RAB3B: variants seen among roughly 807,000 people sequenced by gnomAD.
RAB3B encodes RAB3B, member RAS oncogene family.
RAB3B carries 11 observed loss-of-function variants against 20.5 expected under a neutral mutation model. The observed-to-expected ratio is 0.54, with a 90% CI of 0.34 to 0.89. RAB3B has a LOEUF of 0.89. Ranked by LOEUF, RAB3B falls within the 40% of genes least tolerant of loss-of-function variation. RAB3B has a pLI of 0.02. For synonymous variants in RAB3B, 99 were observed against 106.3 expected, an observed-to-expected ratio of 0.93 and a Z score of 0.42; for missense variants, 225 against 280.9, an observed-to-expected ratio of 0.80 and a Z score of 1.42.
At chr1:51,988,310 A>T (rs146797758) in intron 1 of RAB3B, among the ~76,000 whole-genome samples, 2 of 152,282 alleles carry the variant, frequency 1.3e-5, no homozygotes, top group East Asian at 3.9e-4. Context: ...CTGCTGACCC[A>T]TCACCACCTT....
chr1:51,970,114 C>CA (rs896305804), intron 2 of RAB3B, among the ~76,000 whole-genome samples: 3 of 149,274 alleles, frequency 2.0e-5, no homozygotes, highest in Non-Finnish European at 3.0e-5. Flanking sequence ...AACAAACAAA[C>CA]AAAAAAACAA....
chr1:51,963,445 T>C (rs1684808986), intron 2 of RAB3B, among the ~76,000 whole-genome samples: 1 of 152,084 alleles, frequency 6.6e-6, no homozygotes, highest in Non-Finnish European at 1.5e-5. Context: ...TAAAGTCAAC[T>C]CTTTGCCTAT....
intron 2 of RAB3B, among the ~76,000 whole-genome samples, chr1:51,961,856 C>T (rs559424806): frequency 2.0e-5 from 3 of 152,164 alleles, no homozygotes; most frequent in Non-Finnish European, 2.9e-5. Flanking sequence ...CTGCAACCTC[C>T]GCCTCCTGAA....
chr1:51,956,967 C>T (rs1684715686), intron 2 of RAB3B, among the ~76,000 whole-genome samples: 1 of 152,206 alleles, frequency 6.6e-6, no homozygotes, highest in Admixed American at 6.5e-5. Context: ...CTCTTCTATC[C>T]TCTCTCCAAT....
intron 2 of RAB3B, chr1:51,973,624 C>A (rs1046266492): frequency 6.6e-6 from 1 of 152,176 alleles, no homozygotes; most frequent in Non-Finnish European, 1.5e-5. Context: ...CTTGGATTCA[C>A]TATAATCTTC....
intron 1 of RAB3B, among the ~76,000 whole-genome samples, chr1:51,978,228 A>G (rs1470536065): frequency 6.6e-6 from 1 of 152,214 alleles, no homozygotes; most frequent in African/African-American, 2.4e-5. Context: ...CCTAGCACAT[A>G]ATAAGCACTC....
intron 3 of RAB3B, among the ~76,000 whole-genome samples, chr1:51,934,968 A>G (rs1684377618): frequency 6.6e-6 from 1 of 152,010 alleles, no homozygotes; most frequent in Non-Finnish European, 1.5e-5. Context: ...GGTAGAAATG[A>G]TTACTTCCTC....
intron 4 of RAB3B, among the ~76,000 whole-genome samples, chr1:51,931,973 T>C (rs1684333093): frequency 6.6e-6 from 1 of 152,118 alleles, no homozygotes; most frequent in Non-Finnish European, 1.5e-5. Context: ...ATCACTTGCT[T>C]ATTGGTCAAT....
chr1:51,949,688 C>T (rs1357548727), intron 2 of RAB3B, among the ~76,000 whole-genome samples: 1 of 152,234 alleles, frequency 6.6e-6, no homozygotes, highest in East Asian at 1.9e-4. Flanking sequence ...TGCTAATTAG[C>T]TCTTGCAGCC....
intron 2 of RAB3B, chr1:51,973,671 T>C (rs1684966902): frequency 6.6e-6 from 1 of 152,334 alleles, no homozygotes; most frequent in East Asian, 1.9e-4. Context: ...TTTATAGGAC[T>C]CTTTAAAAGC....
In RAB3B at chr1:51,930,344, T is replaced by C. The variant is rs1003592253; in HGVS notation, c.472+2974A>G. Reference sequence around the variant, plus strand: ...TTGAAGGTTTATAAAGAGACTTAAATGAGATAATTAATGCTAAACATTTCA... The same window carrying C: ...TTGAAGGTTTATAAAGAGACTTAAACGAGATAATTAATGCTAAACATTTCA... On this transcript the variant is annotated intron_variant, in intron 4 of 4. Transcript: ENST00000371655. Among the ~76,000 whole-genome samples the C allele has an allele frequency of 1.6e-4, 25 of 152,206 alleles. 1 individual carries two copies. The highest frequency in any genetic ancestry group is 1.0e-3 in the Admixed American group (16 of 15,282).
chr1:51,959,838 C>G (rs1164248499), intron 2 of RAB3B, among the ~76,000 whole-genome samples: 1 of 152,250 alleles, frequency 6.6e-6, no homozygotes, highest in East Asian at 1.9e-4. Flanking sequence ...TAAATGGGAA[C>G]TCTCCATACT....
At position 51,917,072 on chromosome 1, in the gene RAB3B, A is replaced by G. The variant is rs903128140; in HGVS notation, c.*2855T>C. 1 of 152,140 alleles carries G rather than the reference A, an allele frequency of 6.6e-6. No individual in the cohort carries two copies. The highest frequency in any genetic ancestry group is 1.5e-5 in the Non-Finnish European group (1 of 68,024). The allele number at this position is 152,140 out of a possible 1,614,324, so 9.4% of individuals were successfully genotyped here. A position where few individuals can be genotyped will look rare whatever the true frequency, so the allele number is the denominator to read the frequency against. On this transcript the variant is annotated 3_prime_UTR_variant, in exon 5 of 5. Coordinates refer to ENST00000371655, the MANE Select transcript of RAB3B (RefSeq NM_002867.4). ...ACTCCAGCTCTACCACTTACTTATT[A>G]TGTGACTTTAGAGGTCCAGCTAGAA...
At chr1:51,943,123 C>T (rs1052289948) in intron 2 of RAB3B, among the ~76,000 whole-genome samples, 28 of 152,238 alleles carry the variant, frequency 1.8e-4, no homozygotes, top group African/African-American at 6.5e-4. Flanking sequence ...GTGGCTCATG[C>T]CTGTAATCAT....
At position 51,916,403 on chromosome 1, in the gene RAB3B, C is replaced by T. The variant is rs1029535854; in HGVS notation, c.*3524G>A. 2 of 152,208 alleles carry T rather than the reference C, an allele frequency of 1.3e-5. No individual in the cohort carries two copies. The highest frequency in any genetic ancestry group is 4.8e-5 in the African/African-American group (2 of 41,444). 9.4% of individuals were successfully genotyped at this position (152,208 alleles called of 1,614,324 possible). A position where few individuals can be genotyped will look rare whatever the true frequency, so the allele number is the denominator to read the frequency against. The stretch of plus-strand genomic sequence containing the variant: ...GAGAAAAGATTATTGGATATAGATA[C>T]TAAAATATCCAGGCGTCATGAGGAC... On this transcript the variant is annotated 3_prime_UTR_variant, in exon 5 of 5. Transcript: ENST00000371655.
chr1:51,935,054 C>T lies in RAB3B; in HGVS notation c.348-1612G>A, dbSNP rs140705641. Among the ~76,000 whole-genome samples, 318 of 152,210 alleles carry T rather than the reference C, an allele frequency of 2.1e-3. 1 individual carries two copies. Among genetic ancestry groups the T allele is most frequent in the Middle Eastern group, 3.4e-3 (1 of 294 alleles). Reference sequence around the variant, plus strand: ...TGTCTCTCTCCCTGAGGGCAAGGACCGGCCTATTCATCTTTGGGATGCCAA... The same window carrying T: ...TGTCTCTCTCCCTGAGGGCAAGGACTGGCCTATTCATCTTTGGGATGCCAA... On this transcript the variant is annotated intron_variant, in intron 3 of 4. Coordinates refer to ENST00000371655, the MANE Select transcript of RAB3B (RefSeq NM_002867.4).
At chr1:51,985,320 T>A (rs1407089510) in intron 1 of RAB3B, among the ~76,000 whole-genome samples, 1 of 152,234 alleles carries the variant, frequency 6.6e-6, no homozygotes, top group East Asian at 1.9e-4. Context: ...GGGGGCTTTA[T>A]CCATCCTTAC....
intron 2 of RAB3B, 103 bp downstream of exon 2, chr1:51,976,787 G>T: frequency 2.0e-6 from 2 of 981,018 alleles, no homozygotes; most frequent in Non-Finnish European, 3.1e-6. Flanking sequence ...AATGCCTGAT[G>T]CTGTAAGGCC....
chr1:51,955,120 C>T (rs1263448783), intron 2 of RAB3B, among the ~76,000 whole-genome samples: 2 of 152,214 alleles, frequency 1.3e-5, no homozygotes, highest in Non-Finnish European at 2.9e-5. Context: ...AAGTTTGAGG[C>T]CTTGCCCTCC....
Sources: allele counts gnomAD v4.1 joint callset (sites outside exome capture counted in the v4.1 genomes callset), GRCh38; gene constraint gnomAD v4.1.1; transcripts MANE v1.5; gene names NCBI Gene and HGNC (gene_info 2026-07-23, HGNC 2026-07-21).